The following NOS1 variants were observed in gnomAD, a reference collection of about 807,000 sequenced individuals.
NOS1 encodes the protein NOS type I.
In NOS1, 51 loss-of-function variants were observed where a neutral mutation model predicts 164.5. That is an observed-to-expected ratio of 0.31 (90% CI 0.25 to 0.39). NOS1 has a LOEUF of 0.39. NOS1 is among the 10% of genes least tolerant of loss of function. The pLI is 1.00. For synonymous variants in NOS1, 719 were observed against 745.8 expected (o/e 0.96, Z 0.59); for missense variants, 1,362 against 1,885.6 (o/e 0.72, Z 5.14).
In NOS1 at chr12:117,214,963, C is replaced by G. The variant is rs1025420938; in HGVS notation, c.*346G>C. 1 of 1,074,028 alleles carries G rather than the reference C, an allele frequency of 9.3e-7. No homozygotes were observed. The highest frequency in any genetic ancestry group is 4.1e-4 in the Middle Eastern group (1 of 2,410). The allele number at this position is 1,074,028 out of a possible 1,614,324, so 66.5% of individuals were successfully genotyped here. A position where few individuals can be genotyped will look rare whatever the true frequency, so the allele number is the denominator to read the frequency against. The stretch of plus-strand genomic sequence containing the variant: ...GAGAGCTTGTGCCTAGTTCCTGCAG[C>G]CTTTCCAGGGGAACCCCAGAGAAAA... On this transcript the variant is annotated 3_prime_UTR_variant, in exon 29 of 29. Coordinates refer to ENST00000317775, the MANE Select transcript of NOS1 (RefSeq NM_000620.5).
intron 8 of NOS1, among the ~76,000 whole-genome samples, chr12:117,278,773 C>T (rs1446508835): frequency 6.7e-6 from 1 of 149,604 alleles, no homozygotes; most frequent in African/African-American, 2.4e-5. Context: ...TAATAATATA[C>T]TCATCTTAAA....
At chr12:117,269,348 G>C (rs1036688075) in intron 10 of NOS1, among the ~76,000 whole-genome samples, 3 of 152,046 alleles carry the variant, frequency 2.0e-5, no homozygotes, top group African/African-American at 7.2e-5. Flanking sequence ...GTACATAAGG[G>C]GTAATTGGTG....
chr12:117,335,214 A>C (rs1875748902), intron 1 of NOS1, among the ~76,000 whole-genome samples: 2 of 152,074 alleles, frequency 1.3e-5, no homozygotes, highest in Admixed American at 6.5e-5. Flanking sequence ...AGCCAAAGGT[A>C]CTTCAGGCGC....
At chr12:117,344,383 A>G (rs1188373581) in intron 1 of NOS1, among the ~76,000 whole-genome samples, 1 of 152,202 alleles carries the variant, frequency 6.6e-6, no homozygotes, top group Non-Finnish European at 1.5e-5. Context: ...AACTTTTTCA[A>G]TTTCGTACAG....
intron 14 of NOS1, among the ~76,000 whole-genome samples, chr12:117,259,373 T>C (rs778445777): frequency 1.5e-4 from 23 of 152,206 alleles, no homozygotes; most frequent in Non-Finnish European, 2.8e-4. Context: ...ATGGTCACTG[T>C]GGCCTGAAGG....
intron 11 of NOS1, among the ~76,000 whole-genome samples, chr12:117,267,156 G>A (rs1302185475): frequency 6.6e-6 from 1 of 152,152 alleles, no homozygotes; most frequent in African/African-American, 2.4e-5. Context: ...TGCCTAGACT[G>A]GAAGCCCCCA....
chr12:117,350,534 A>G (rs1299408895), intron 1 of NOS1, among the ~76,000 whole-genome samples: 1 of 152,226 alleles, frequency 6.6e-6, no homozygotes, highest in Non-Finnish European at 1.5e-5. Context: ...GTTTGAAATG[A>G]AAGCAAATGC....
intron 2 of NOS1, among the ~76,000 whole-genome samples, chr12:117,319,589 G>C (rs567924877): frequency 3.9e-5 from 6 of 152,274 alleles, no homozygotes; most frequent in Non-Finnish European, 8.8e-5. Context: ...TCCTGCCACT[G>C]GTTGCCTCAC....
rs565069295 is a variant in NOS1 at position 117,329,331 on chromosome 12, C to A, written c.725+1014G>T. ...GTCTGGGGAGCTACCTTAACCCAGG[C>A]CCCCAGATTGTGGGGGGCGGAATGT... On this transcript the variant is annotated intron_variant, in intron 2 of 28. Transcript: ENST00000317775. Among the ~76,000 whole-genome samples the A allele has an allele frequency of 7.2e-5, 11 of 152,140 alleles. No homozygotes were observed. The East Asian group carries it at 2.1e-3, about 29-fold the overall frequency.
intron 10 of NOS1, among the ~76,000 whole-genome samples, chr12:117,270,017 C>G (rs1362956325): frequency 6.6e-6 from 1 of 152,156 alleles, no homozygotes; most frequent in East Asian, 1.9e-4. Flanking sequence ...CAGGGAGATG[C>G]CTAACGTCTA....
Position 117,222,753 on chromosome 12 carries a change from G to A in NOS1, c.3937C>T (p.Leu1313=). ...QAKNKGVFRE[L]YTAYSREPDK... is the part of the protein sequence containing the mutation. ...GGCTCCCGGGAGTAAGCCGTGTACAGCTCTCTGAAGACCCCCTTGTTCTTG... is the reference window on the plus strand; with the variant it reads ...GGCTCCCGGGAGTAAGCCGTGTACAACTCTCTGAAGACCCCCTTGTTCTTG... Residue 1313 remains leucine, a synonymous_variant, in exon 26 of 29, where the codon CTG becomes TTG. Coordinates refer to ENST00000317775, the MANE Select transcript of NOS1 (RefSeq NM_000620.5). The A allele has an allele frequency of 6.2e-7, 1 of 1,614,000 alleles. No homozygotes were observed. The highest frequency in any genetic ancestry group is 2.2e-5 in the East Asian group (1 of 44,872).
intron 1 of NOS1, among the ~76,000 whole-genome samples, chr12:117,352,204 C>T (rs1464846892): frequency 2.6e-5 from 4 of 151,736 alleles, no homozygotes; most frequent in Non-Finnish European, 4.4e-5. Context: ...TACATACATA[C>T]ATACATACAT....
chr12:117,235,881 A>G (rs1001846112), intron 20 of NOS1, among the ~76,000 whole-genome samples: 2 of 152,192 alleles, frequency 1.3e-5, no homozygotes, highest in African/African-American at 4.8e-5. Context: ...CGTCTCTACT[A>G]AAAACACAAA....
intron 28 of NOS1, among the ~76,000 whole-genome samples, chr12:117,217,167 C>T (rs1404558094): frequency 6.6e-6 from 1 of 152,100 alleles, no homozygotes; most frequent in Non-Finnish European, 1.5e-5. Flanking sequence ...TTGTCAAAAT[C>T]ATGTGAATTA....
chr12:117,341,115 A>T (rs1489742207), intron 1 of NOS1, among the ~76,000 whole-genome samples: 1 of 152,092 alleles, frequency 6.6e-6, no homozygotes, highest in East Asian at 1.9e-4. Flanking sequence ...ATTACTAATT[A>T]TCATCACGTA....
At chr12:117,335,179 T>C (rs1875746474) in intron 1 of NOS1, among the ~76,000 whole-genome samples, 2 of 152,200 alleles carry the variant, frequency 1.3e-5, no homozygotes, top group Admixed American at 1.3e-4. Context: ...TTTAATTCAG[T>C]GCACTTTCTA....
chr12:117,295,262 A>G (rs1873331851), intron 3 of NOS1, among the ~76,000 whole-genome samples: 1 of 152,208 alleles, frequency 6.6e-6, no homozygotes, highest in Admixed American at 6.5e-5. Flanking sequence ...ACAGCTTCTG[A>G]GCTAAGAAGG....
In NOS1 at chr12:117,283,011, C is replaced by T. The variant is rs374048801; in HGVS notation, c.1383-2145G>A. Among the ~76,000 whole-genome samples, 60 of 150,218 alleles carry T rather than the reference C, an allele frequency of 4.0e-4. No individual in the cohort carries two copies. The East Asian group carries it at 9.2e-3, about 23-fold the overall frequency. ...TTCTTCTCTCTGCTGTCCTTCCCCT[C>T]TATGCACAGATTATTCCTATAACAT... is the stretch of plus-strand genomic sequence containing the variant. On this transcript the variant is annotated intron_variant, in intron 7 of 28. Coordinates refer to ENST00000317775, the MANE Select transcript of NOS1 (RefSeq NM_000620.5).
chr12:117,341,007 G>A (rs1039806536), intron 1 of NOS1, among the ~76,000 whole-genome samples: 1 of 150,860 alleles, frequency 6.6e-6, no homozygotes, highest in Non-Finnish European at 1.5e-5. Flanking sequence ...TTACAGACAT[G>A]AGCCACTGTG....
Sources: allele counts gnomAD v4.1 joint callset (sites outside exome capture counted in the v4.1 genomes callset), GRCh38; gene constraint gnomAD v4.1.1; transcripts MANE v1.5; gene names NCBI Gene and HGNC (gene_info 2026-07-23, HGNC 2026-07-21).